The following DIP2B variants were observed in gnomAD, a reference collection of about 807,000 sequenced individuals.
The protein encoded by DIP2B is DIP2 acetate--CoA ligase B (putative).
A neutral mutation model predicts 198.0 loss-of-function variants in DIP2B; 76 were observed. That is an observed-to-expected ratio of 0.38 (90% CI 0.32 to 0.46). The LOEUF (loss-of-function observed/expected upper bound fraction) is 0.46. Ranked by LOEUF, DIP2B falls within the 20% of genes least tolerant of loss-of-function variation. The pLI is 0.99. For missense variants in DIP2B, 1,559 were observed against 1,978.4 expected (o/e 0.79, Z 4.02); for synonymous variants, 701 against 739.1 (o/e 0.95, Z 0.84).
intron 1 of DIP2B, among the ~76,000 whole-genome samples, chr12:50,570,346 A>G (rs116015842): frequency 1.9e-3 from 295 of 152,316 alleles, no homozygotes; most frequent in African/African-American, 6.9e-3. Context: ...ATCAGTAAAT[A>G]TTTGAGCACC....
chr12:50,698,982 T>C, intron 18 of DIP2B, 84 bp from the exon 19 acceptor site: 2 of 1,514,394 alleles, frequency 1.3e-6, no homozygotes, highest in Non-Finnish European at 1.8e-6. Context: ...AGGCAGGACT[T>C]TCTTGGGTTC....
chr12:50,538,680 T>G (rs1004986947), intron 1 of DIP2B, among the ~76,000 whole-genome samples: 4 of 152,222 alleles, frequency 2.6e-5, no homozygotes, highest in African/African-American at 9.6e-5. Context: ...AATGTTTATA[T>G]TCTCTTTTGT....
At chr12:50,541,002 A>G (rs10876053) in intron 1 of DIP2B, among the ~76,000 whole-genome samples, 41,495 of 152,062 alleles carry the variant, frequency 0.27, 5,985 homozygotes, top group East Asian at 0.39. Flanking sequence ...TGTTTTCCAT[A>G]GTTTCTTCAA....
At chr12:50,533,439 GT>G (rs1357921859) in intron 1 of DIP2B, among the ~76,000 whole-genome samples, 1 of 152,026 alleles carries the variant, frequency 6.6e-6, no homozygotes, top group East Asian at 1.9e-4. Context: ...TCGAACTAGA[GT>G]TTTGGCTGTT....
At chr12:50,731,321 G>A in intron 30 of DIP2B, 48 bp from the exon 31 acceptor site, 1 of 1,591,142 alleles carries the variant, frequency 6.3e-7, no homozygotes, top group South Asian at 1.1e-5. Flanking sequence ...GAAGCATCAG[G>A]TATCCAGGAT....
chr12:50,656,891 T>C (rs1435410739), intron 3 of DIP2B: 4 of 152,036 alleles, frequency 2.6e-5, no homozygotes, highest in Non-Finnish European at 5.9e-5. Context: ...TTTCTTATAA[T>C]AAATACCAAC....
chr12:50,704,793 G>A (rs1279651765), intron 20 of DIP2B, among the ~76,000 whole-genome samples: 4 of 152,068 alleles, frequency 2.6e-5, no homozygotes, highest in African/African-American at 9.7e-5. Flanking sequence ...GGCAAATTCT[G>A]TGTCTACTAA....
At chr12:50,657,523 C>T (rs1039960024) in intron 3 of DIP2B, among the ~76,000 whole-genome samples, 3 of 151,820 alleles carry the variant, frequency 2.0e-5, no homozygotes, top group African/African-American at 7.3e-5. Context: ...CATGGTGGCT[C>T]ATGCTTGTAA....
chr12:50,528,196 G>A (rs4768886), intron 1 of DIP2B, among the ~76,000 whole-genome samples: 88,703 of 151,244 alleles, frequency 0.59, 26,346 homozygotes, highest in South Asian at 0.71. Context: ...CAAAGTGTTG[G>A]GATTATAGAC....
intron 1 of DIP2B, among the ~76,000 whole-genome samples, chr12:50,562,654 G>C (rs1958529371): frequency 6.6e-6 from 1 of 151,750 alleles, no homozygotes; most frequent in Non-Finnish European, 1.5e-5. Flanking sequence ...GATCATCTGA[G>C]CCTGGGGAAG....
chr12:50,510,409 G>A (rs554394797), intron 1 of DIP2B, among the ~76,000 whole-genome samples: 4 of 152,228 alleles, frequency 2.6e-5, no homozygotes, highest in African/African-American at 7.2e-5. Flanking sequence ...AATATGTCAC[G>A]CTTAGCTCAG....
chr12:50,611,146 A>G (rs1959028818), intron 1 of DIP2B, among the ~76,000 whole-genome samples: 1 of 152,170 alleles, frequency 6.6e-6, no homozygotes, highest in African/African-American at 2.4e-5. Flanking sequence ...TAAAGAGAGA[A>G]AGGATTGTAT....
At chr12:50,710,863 A>G (rs777937215) in intron 22 of DIP2B, among the ~76,000 whole-genome samples, 4 of 152,246 alleles carry the variant, frequency 2.6e-5, no homozygotes, top group Non-Finnish European at 4.4e-5. Flanking sequence ...AAGACTATGA[A>G]GAAGGTAGAA....
chr12:50,716,111 A>G (rs999148900), intron 23 of DIP2B, among the ~76,000 whole-genome samples: 3 of 152,186 alleles, frequency 2.0e-5, no homozygotes, highest in African/African-American at 7.2e-5. Context: ...ATATGCCTTT[A>G]TTAATTTTAT....
At chr12:50,636,371 C>T (rs936938768) in intron 2 of DIP2B, among the ~76,000 whole-genome samples, 2 of 152,062 alleles carry the variant, frequency 1.3e-5, no homozygotes, top group Admixed American at 6.6e-5. Flanking sequence ...TTTCCAATCC[C>T]CATTCTGCTT....
At position 50,625,997 on chromosome 12, in the gene DIP2B, A is replaced by G; in HGVS notation, c.122A>G (p.Tyr41Cys). The G allele has an allele frequency of 6.2e-7, 1 of 1,614,168 alleles. No individual in the cohort carries two copies. Among genetic ancestry groups the G allele is most frequent in the Non-Finnish European group, 8.5e-7 (1 of 1,179,998 alleles). ...TTAGGGGACATCACCCAGAAGGGCT[A>G]TGAAAAGAAAAGGTCCAAACTCCTA... ...LSEGDITQKG[Y>C]EKKRSKLLSP... The change falls in exon 2 of 38, where the codon TAT becomes TGT. Residue 41 changes from tyrosine (Y) to cysteine (C), a missense_variant. Transcript: ENST00000301180.
intron 1 of DIP2B, among the ~76,000 whole-genome samples, chr12:50,546,128 C>T (rs1330267324): frequency 1.3e-5 from 2 of 152,188 alleles, no homozygotes; most frequent in Non-Finnish European, 2.9e-5. Context: ...GATGTACTTC[C>T]TTCTTCACAT....
At chr12:50,717,017 C>A (rs979445065) in intron 23 of DIP2B, among the ~76,000 whole-genome samples, 9 of 113,988 alleles carry the variant, frequency 7.9e-5, no homozygotes, top group African/African-American at 2.6e-4. Flanking sequence ...GGCTGGAGTA[C>A]AGTAGCGTGA....
intron 1 of DIP2B, among the ~76,000 whole-genome samples, chr12:50,510,641 G>A (rs1958005821): frequency 6.8e-6 from 1 of 146,464 alleles, no homozygotes; most frequent in Admixed American, 6.9e-5. Flanking sequence ...TTCAGCTAAA[G>A]TACCACCTTT....
Sources: gnomAD v4.1 joint callset for allele counts (sites outside exome capture counted in the v4.1 genomes callset) on GRCh38, gnomAD v4.1.1 for gene constraint, MANE v1.5 for transcripts, NCBI Gene and HGNC (gene_info 2026-07-23, HGNC 2026-07-21) for gene names.